Variants in SLC26A7 observed in about 807,000 individuals in gnomAD.
SLC26A7 encodes the protein anion exchange transporter.
Under a neutral mutation model 82.5 loss-of-function variants are expected in SLC26A7, and 59 were observed. The observed-to-expected ratio is 0.72, with a 90% confidence interval of 0.58 to 0.89. The LOEUF (loss-of-function observed/expected upper bound fraction) is 0.89. SLC26A7 is among the 40% of genes least tolerant of loss of function. The probability of loss-of-function intolerance (pLI) is 0.00; values close to 1 mark genes in which losing one functional copy is unlikely to be tolerated. For synonymous variants in SLC26A7, 271 were observed against 274.3 expected, an observed-to-expected ratio of 0.99 and a Z score of 0.12; for missense variants, 820 against 793.0, an observed-to-expected ratio of 1.03 and a Z score of -0.41.
At chr8:91,264,871 AT>A (rs1219505557) in intron 2 of SLC26A7, among the ~76,000 whole-genome samples, 1 of 151,982 alleles carries the variant, frequency 6.6e-6, no homozygotes. Context: ...ATCACTTCAG[AT>A]CTTCATCATT....
chr8:91,378,310 G>A (rs1307259918), intron 15 of SLC26A7, among the ~76,000 whole-genome samples: 1 of 148,570 alleles, frequency 6.7e-6, no homozygotes, highest in East Asian at 1.9e-4. Flanking sequence ...TCCTTGGTAA[G>A]AGAGAAAAAG....
chr8:91,325,243 T>C (rs1812900272), intron 5 of SLC26A7, among the ~76,000 whole-genome samples: 1 of 152,152 alleles, frequency 6.6e-6, no homozygotes, highest in Non-Finnish European at 1.5e-5. Flanking sequence ...TTGAATTAAT[T>C]AAGACATTAA....
rs546697915 is a variant in SLC26A7, at chr8:91,360,419, A to G, written c.1315-1934A>G. On this transcript the variant is annotated intron_variant, in intron 11 of 18. Transcript: ENST00000276609. ...CTAATTCTTGATAACTGTGACAACT[A>G]GCATTTGGGTCTTTAACAGGAATTA... Among the ~76,000 whole-genome samples the G allele has an allele frequency of 3.3e-5, 5 of 152,316 alleles. No homozygotes were observed. The South Asian group carries it at 1.0e-3, about 32-fold the overall frequency.
intron 15 of SLC26A7, among the ~76,000 whole-genome samples, chr8:91,385,215 C>T (rs879601019): frequency 3.3e-5 from 5 of 152,142 alleles, no homozygotes; most frequent in Admixed American, 6.6e-5. Context: ...TTTGCACATG[C>T]TCCAAGCTTA....
At chr8:91,358,756 C>T (rs894078296) in intron 11 of SLC26A7, among the ~76,000 whole-genome samples, 1 of 152,216 alleles carries the variant, frequency 6.6e-6, no homozygotes, top group South Asian at 2.1e-4. Flanking sequence ...CAGCCATAAA[C>T]AATGATGAGT....
intron 5 of SLC26A7, among the ~76,000 whole-genome samples, chr8:91,333,981 A>G (rs1813168630): frequency 6.6e-6 from 1 of 152,164 alleles, no homozygotes; most frequent in African/African-American, 2.4e-5. Context: ...GAATCTGCAT[A>G]TAAATAATGA....
chr8:91,247,284 G>C (rs144558991), upstream of SLC26A7, among the ~76,000 whole-genome samples: 15 of 152,272 alleles, frequency 9.9e-5, no homozygotes, highest in Admixed American at 5.2e-4. Context: ...ATTCCATATA[G>C]ATGGTACATA....
intron 4 of SLC26A7, among the ~76,000 whole-genome samples, chr8:91,301,258 C>T (rs1812157526): frequency 6.6e-6 from 1 of 152,090 alleles, no homozygotes; most frequent in South Asian, 2.1e-4. Flanking sequence ...CTTAACGTCC[C>T]TTCTCAATGC....
chr8:91,303,658 T>C (rs1306243143), intron 4 of SLC26A7, among the ~76,000 whole-genome samples: 1 of 152,256 alleles, frequency 6.6e-6, no homozygotes, highest in African/African-American at 2.4e-5. Context: ...CATGGTCTTA[T>C]GTCTTCAAGG....
At chr8:91,381,423 G>T (rs974850737) in intron 15 of SLC26A7, among the ~76,000 whole-genome samples, 2 of 152,114 alleles carry the variant, frequency 1.3e-5, no homozygotes, top group Non-Finnish European at 2.9e-5. Context: ...AGCTTTTCTG[G>T]TCTTTTCTAG....
intron 2 of SLC26A7, among the ~76,000 whole-genome samples, chr8:91,228,932 A>G (rs1192353664): frequency 1.3e-5 from 2 of 152,196 alleles, no homozygotes; most frequent in Non-Finnish European, 1.5e-5. Context: ...TCACCAAAAG[A>G]TTTTCATTTT....
intron 15 of SLC26A7, 58 bp from the exon 16 acceptor site, chr8:91,389,280 G>GC: frequency 7.9e-7 from 1 of 1,261,526 alleles, no homozygotes; most frequent in South Asian, 1.2e-5. Context: ...AGTCAACAAA[G>GC]CCAGCAGCAG....
At chr8:91,266,229 G>A (rs947760528) in intron 2 of SLC26A7, among the ~76,000 whole-genome samples, 1 of 151,790 alleles carries the variant, frequency 6.6e-6, no homozygotes, top group Non-Finnish European at 1.5e-5. Flanking sequence ...GGTCTTTTAT[G>A]ATTCCATACA....
chr8:91,261,553 T>C (rs1420528788), intron 2 of SLC26A7, among the ~76,000 whole-genome samples: 1 of 152,062 alleles, frequency 6.6e-6, no homozygotes, highest in Non-Finnish European at 1.5e-5. Context: ...TAACATAACA[T>C]GAAATGATGA....
At chr8:91,248,933 A>G (rs1810586694), upstream of SLC26A7, among the ~76,000 whole-genome samples, 6 of 152,132 alleles carry the variant, frequency 3.9e-5, no homozygotes, top group South Asian at 8.3e-4. Flanking sequence ...CCTTTCCCAG[A>G]CTGGGCAGTA....
At chr8:91,259,999 T>C (rs993398563) in intron 2 of SLC26A7, among the ~76,000 whole-genome samples, 2 of 152,164 alleles carry the variant, frequency 1.3e-5, no homozygotes, top group African/African-American at 4.8e-5. Flanking sequence ...TTGATACCTC[T>C]ATTTTGTTTT....
chr8:91,270,449 T>C (rs1657582289), intron 2 of SLC26A7, among the ~76,000 whole-genome samples: 1 of 152,184 alleles, frequency 6.6e-6, no homozygotes, highest in African/African-American at 2.4e-5. Flanking sequence ...TTTCCAGGCC[T>C]GGGAAAGACT....
chr8:91,274,681 C>T (rs1241343708), intron 2 of SLC26A7, among the ~76,000 whole-genome samples: 1 of 152,184 alleles, frequency 6.6e-6, no homozygotes, highest in Admixed American at 6.5e-5. Context: ...TTGGAAGAAG[C>T]AAACATTCAA....
At chr8:91,226,244 A>T (rs906384186) in intron 2 of SLC26A7, among the ~76,000 whole-genome samples, 1 of 152,168 alleles carries the variant, frequency 6.6e-6, no homozygotes, top group Non-Finnish European at 1.5e-5. Context: ...AGAACCTCAA[A>T]TGACTTCCAG....
Sources: allele counts gnomAD v4.1 joint callset (sites outside exome capture counted in the v4.1 genomes callset), GRCh38; gene constraint gnomAD v4.1.1; transcripts MANE v1.5; gene names NCBI Gene and HGNC (gene_info 2026-07-23, HGNC 2026-07-21).